Variants in PTPRK observed in about 807,000 individuals in gnomAD.
PTPRK encodes receptor-type tyrosine-protein phosphatase kappa.
Under a neutral mutation model 178.0 loss-of-function variants are expected in PTPRK, and 75 were observed. The observed-to-expected ratio is 0.42, with a 90% CI of 0.35 to 0.51. The LOEUF (loss-of-function observed/expected upper bound fraction) is 0.51. PTPRK is among the 20% of genes least tolerant of loss of function. The pLI is 0.02. For synonymous variants in PTPRK, 637 were observed against 620.6 expected (o/e 1.03, Z -0.39); for missense variants, 1,441 against 1,797.8 (o/e 0.80, Z 3.59).
chr6:128,281,651 C>T (rs17430131), intron 3 of PTPRK, among the ~76,000 whole-genome samples: 8,625 of 152,138 alleles, frequency 0.057, 314 homozygotes, highest in Non-Finnish European at 0.071. Context: ...AACTGTACCT[C>T]GGTGATTAGA....
chr6:128,053,765 C>T (rs1331920687), intron 13 of PTPRK, among the ~76,000 whole-genome samples: 1 of 152,164 alleles, frequency 6.6e-6, no homozygotes, highest in Admixed American at 6.5e-5. Flanking sequence ...CCTCCTCCAT[C>T]CGACTCAGGC....
chr6:127,987,215 T>A lies in PTPRK; in HGVS notation c.3097-1340A>T, dbSNP rs139789334. 8.8e-3 allele frequency among the ~76,000 whole-genome samples: 1,329 copies of A among 151,712 alleles called. 20 individuals are homozygous for A. Among genetic ancestry groups the A allele is most frequent in the African/African-American group, 0.03 (1,251 of 41,170 alleles). On this transcript the variant is annotated intron_variant, in intron 21 of 29. Transcript: ENST00000368226. ...TGATTTTTTTTTTAATTTTTCTGAA[T>A]GATTTTCAAATATGTGGTTAAAAAA...
At chr6:128,225,572 A>C (rs1204284203) in intron 5 of PTPRK, among the ~76,000 whole-genome samples, 1 of 152,212 alleles carries the variant, frequency 6.6e-6, no homozygotes, top group Non-Finnish European at 1.5e-5. Context: ...ACCATTATTG[A>C]AGAACAAAAT....
At chr6:128,483,990 T>G (rs945362566) in intron 1 of PTPRK, among the ~76,000 whole-genome samples, 1 of 152,044 alleles carries the variant, frequency 6.6e-6, no homozygotes, top group Non-Finnish European at 1.5e-5. Context: ...TTCCCATGTA[T>G]TTTCCCCTCT....
intron 8 of PTPRK, among the ~76,000 whole-genome samples, chr6:128,086,148 A>G (rs1007001719): frequency 1.3e-5 from 2 of 152,152 alleles, no homozygotes; most frequent in Admixed American, 6.5e-5. Context: ...GACTTATATG[A>G]CAGCTATTTC....
intron 12 of PTPRK, among the ~76,000 whole-genome samples, chr6:128,066,935 C>T (rs1036629419): frequency 6.6e-6 from 1 of 152,124 alleles, no homozygotes; most frequent in Non-Finnish European, 1.5e-5. Context: ...ACCAGGGAAA[C>T]AGAGAGCAGC....
At chr6:128,118,456 A>G (rs1204652989) in intron 7 of PTPRK, among the ~76,000 whole-genome samples, 1 of 152,198 alleles carries the variant, frequency 6.6e-6, no homozygotes, top group South Asian at 2.1e-4. Context: ...TTACATTAAC[A>G]ATAAAACTAA....
intron 1 of PTPRK, among the ~76,000 whole-genome samples, chr6:128,462,601 C>T (rs1256564760): frequency 1.3e-5 from 2 of 151,032 alleles, no homozygotes; most frequent in Non-Finnish European, 2.9e-5. Flanking sequence ...AAATGGAAGG[C>T]TATCTGGGAA....
chr6:128,043,445 G>A (rs62426543), intron 13 of PTPRK, among the ~76,000 whole-genome samples: 46,843 of 151,744 alleles, frequency 0.31, 9,162 homozygotes, highest in Non-Finnish European at 0.43. Context: ...AAACTTTTTA[G>A]TATGAAATCA....
intron 1 of PTPRK, among the ~76,000 whole-genome samples, chr6:128,468,126 G>A (rs1850124093): frequency 6.6e-6 from 1 of 152,100 alleles, no homozygotes; most frequent in Non-Finnish European, 1.5e-5. Flanking sequence ...GGCAATTAGT[G>A]GACACACAAA....
chr6:128,446,999 T>C (rs1349015016), intron 1 of PTPRK, among the ~76,000 whole-genome samples: 3 of 152,226 alleles, frequency 2.0e-5, no homozygotes, highest in Non-Finnish European at 4.4e-5. Flanking sequence ...GTAAGCTTCT[T>C]AAGGACAAGG....
chr6:128,312,904 C>A (rs529309554), intron 3 of PTPRK, among the ~76,000 whole-genome samples: 1 of 152,196 alleles, frequency 6.6e-6, no homozygotes, highest in South Asian at 2.1e-4. Context: ...CCAATCAATT[C>A]TTGGATACAC....
At chr6:128,012,917 GCTTT>G (rs1219712630) in intron 13 of PTPRK, among the ~76,000 whole-genome samples, 5 of 150,196 alleles carry the variant, frequency 3.3e-5, no homozygotes, top group East Asian at 1.9e-4. Context: ...TTTCATTAGT[GCTTT>G]CTTTCTTTTT....
At chr6:128,506,682 A>AAG (rs1554284970) in intron 1 of PTPRK, among the ~76,000 whole-genome samples, 3,799 of 145,984 alleles carry the variant, frequency 0.026, 121 homozygotes, top group African/African-American at 0.06. Flanking sequence ...AAAAAAAAAA[A>AAG]TTATTATAAG....
chr6:128,278,910 A>T (rs1410273741), intron 3 of PTPRK, among the ~76,000 whole-genome samples: 1 of 152,144 alleles, frequency 6.6e-6, no homozygotes, highest in African/African-American at 2.4e-5. Context: ...CTCTTGTTAC[A>T]CTCCAACACA....
intron 1 of PTPRK, among the ~76,000 whole-genome samples, chr6:128,422,207 G>A (rs1251630099): frequency 6.6e-6 from 1 of 152,086 alleles, no homozygotes; most frequent in African/African-American, 2.4e-5. Flanking sequence ...TTTAGTTTCT[G>A]CATGTGTGCA....
intron 2 of PTPRK, among the ~76,000 whole-genome samples, chr6:128,388,703 C>T (rs1839123712): frequency 6.6e-6 from 1 of 152,192 alleles, no homozygotes; most frequent in Non-Finnish European, 1.5e-5. Flanking sequence ...CTTAGGTTCA[C>T]CTGACTTCAG....
intron 1 of PTPRK, among the ~76,000 whole-genome samples, chr6:128,490,083 C>T (rs1428930782): frequency 1.3e-5 from 2 of 152,152 alleles, no homozygotes; most frequent in Non-Finnish European, 2.9e-5. Context: ...TAGGTGTTAA[C>T]ATGGTCACTT....
intron 11 of PTPRK, among the ~76,000 whole-genome samples, chr6:128,069,744 A>G (rs1231702118): frequency 6.6e-6 from 1 of 152,178 alleles, no homozygotes; most frequent in Non-Finnish European, 1.5e-5. Context: ...CACAAAATCT[A>G]GTGAACATTC....
Sources: gnomAD v4.1 joint callset for allele counts (sites outside exome capture counted in the v4.1 genomes callset) on GRCh38, gnomAD v4.1.1 for gene constraint, MANE v1.5 for transcripts, NCBI Gene and HGNC (gene_info 2026-07-23, HGNC 2026-07-21) for gene names.